The following ME2 variants were observed in gnomAD, a reference collection of about 807,000 sequenced individuals.
ME2 encodes NAD-dependent malic enzyme, mitochondrial.
Under a neutral mutation model 73.7 loss-of-function variants are expected in ME2, and 60 were observed. The ratio of observed to expected loss-of-function variants is 0.81; its 90% CI spans 0.66 to 1.01. The LOEUF (loss-of-function observed/expected upper bound fraction) is 1.01, where lower values mean the gene tolerates loss of function less well. Ranked by LOEUF, ME2 falls within the 50% of genes least tolerant of loss-of-function variation. ME2 has a pLI of 0.00. For synonymous variants in ME2, 199 were observed against 236.9 expected (o/e 0.84, Z 1.47); for missense variants, 594 against 705.5 (o/e 0.84, Z 1.79).
At chr18:50,935,611 G>A (rs956146939) in intron 13 of ME2, 3 of 151,354 alleles carry the variant, frequency 2.0e-5, no homozygotes, top group Non-Finnish European at 4.4e-5. Context: ...AATTAGCCAG[G>A]CATAGTGGCA....
intron 1 of ME2, among the ~76,000 whole-genome samples, chr18:50,883,565 A>G (rs1005724883): frequency 4.6e-5 from 7 of 152,176 alleles, no homozygotes; most frequent in Non-Finnish European, 8.8e-5. Context: ...ATATTCCAGT[A>G]TTCAAGAAAC....
At chr18:50,905,308 TC>T (rs1407594904) in intron 2 of ME2, among the ~76,000 whole-genome samples, 1 of 152,212 alleles carries the variant, frequency 6.6e-6, no homozygotes, top group East Asian at 1.9e-4. Context: ...TATTCTTTTT[TC>T]TTTCTATCTT....
intron 13 of ME2, chr18:50,933,106 CT>C (rs1383703036): frequency 1.3e-5 from 2 of 152,150 alleles, no homozygotes; most frequent in Admixed American, 1.3e-4. Flanking sequence ...TAAATAGCTA[CT>C]TTTAAAGCAA....
At chr18:50,925,332 A>G (rs1035172609) in intron 11 of ME2, among the ~76,000 whole-genome samples, 8 of 152,102 alleles carry the variant, frequency 5.3e-5, no homozygotes, top group Non-Finnish European at 1.0e-4. Flanking sequence ...TACAAAAATT[A>G]GCCGGGCGTG....
At chr18:50,942,358 ATAATG>A (rs1432309516) in intron 15 of ME2, among the ~76,000 whole-genome samples, 3 of 152,176 alleles carry the variant, frequency 2.0e-5, no homozygotes, top group African/African-American at 7.2e-5. Flanking sequence ...TATAATGTGT[ATAATG>A]TAACATTTAG....
intron 3 of ME2, among the ~76,000 whole-genome samples, chr18:50,909,738 TA>T (rs1917101478): frequency 6.6e-6 from 1 of 152,122 alleles, no homozygotes; most frequent in Non-Finnish European, 1.5e-5. Flanking sequence ...AAATAATAAG[TA>T]AAGTAAGACT....
intron 7 of ME2, among the ~76,000 whole-genome samples, chr18:50,919,401 T>C (rs1049363009): frequency 7.1e-4 from 108 of 152,316 alleles, no homozygotes; most frequent in Non-Finnish European, 1.1e-3. Context: ...AGAGTCAAAG[T>C]CAACAAGTCT....
chr18:50,923,095 T>C lies in ME2; in HGVS notation c.1057-1003T>C, dbSNP rs540663419. On this transcript the variant is annotated intron_variant, in intron 10 of 15. Transcript: ENST00000321341. ...GGCATTACTACAAATTTAACTTTTA[T>C]GGTTTTTGACCTGGGATTTGGAAAG... Among the ~76,000 whole-genome samples the C allele has an allele frequency of 7.2e-5, 11 of 152,288 alleles. No individual in the cohort carries two copies. In the East Asian group the frequency reaches 1.9e-3, roughly 27 times the overall value.
At chr18:50,892,900 C>T (rs1245318350) in intron 1 of ME2, among the ~76,000 whole-genome samples, 4 of 151,814 alleles carry the variant, frequency 2.6e-5, no homozygotes, top group Non-Finnish European at 4.4e-5. Context: ...CCGAGGTGGG[C>T]GGATCACAAG....
intron 5 of ME2, 47 bp from the exon 6 acceptor site, chr18:50,917,300 G>A (rs767437217): frequency 6.7e-7 from 1 of 1,495,542 alleles, no homozygotes; most frequent in Non-Finnish European, 9.2e-7. Flanking sequence ...CTTTTCTTTA[G>A]TGCCCCATTT....
Position 50,949,803 on chromosome 18 carries a change from A to C in ME2, c.*2619A>C, listed in dbSNP as rs377757743. 6.6e-6 allele frequency: 1 copy of C among 152,196 alleles called. No homozygotes were observed. The highest frequency in any genetic ancestry group is 2.4e-5 in the African/African-American group (1 of 41,436). 9.4% of individuals were successfully genotyped at this position (152,196 alleles called of 1,614,324 possible). On this transcript the variant is annotated 3_prime_UTR_variant, in exon 16 of 16. Coordinates refer to ENST00000321341, the MANE Select transcript of ME2 (RefSeq NM_002396.5). The stretch of plus-strand genomic sequence containing the variant: ...ATTCTATTTTTTTAAAAAGCTCCCA[A>C]TTGTCATTGTTATTTACCAGTCAAT...
At chr18:50,889,528 AT>A (rs1271028302) in intron 1 of ME2, among the ~76,000 whole-genome samples, 1 of 152,004 alleles carries the variant, frequency 6.6e-6, no homozygotes, top group African/African-American at 2.4e-5. Flanking sequence ...ATAAAGGGGG[AT>A]TTTTTGAAGA....
At chr18:50,921,004 T>C (rs969905431) in intron 9 of ME2, 70 bp from the exon 10 acceptor site, 6 of 786,148 alleles carry the variant, frequency 7.6e-6, no homozygotes, top group African/African-American at 7.3e-5. Context: ...CATATAATCT[T>C]CATATATAAA....
At chr18:50,931,229 T>C (rs968985480) in intron 12 of ME2, among the ~76,000 whole-genome samples, 16 of 152,218 alleles carry the variant, frequency 1.1e-4, no homozygotes, top group African/African-American at 3.9e-4. Context: ...TTTGGAGAAG[T>C]ATTCTTCTTT....
At chr18:50,901,723 C>T (rs112320760) in intron 2 of ME2, among the ~76,000 whole-genome samples, 35 of 152,168 alleles carry the variant, frequency 2.3e-4, no homozygotes, top group African/African-American at 8.2e-4. Flanking sequence ...ACATAGCCTC[C>T]GACCCTCAAT....
At chr18:50,907,997 T>C in intron 2 of ME2, 66 bp from the exon 3 acceptor site, 4 of 1,177,972 alleles carry the variant, frequency 3.4e-6, no homozygotes, top group East Asian at 2.5e-5. Context: ...AATTATATTT[T>C]GAAGAACAAT....
At chr18:50,924,735 C>T (rs547085880) in intron 11 of ME2, among the ~76,000 whole-genome samples, 2 of 150,844 alleles carry the variant, frequency 1.3e-5, no homozygotes, top group East Asian at 3.9e-4. Flanking sequence ...CTCACTCTGT[C>T]ACTCAAGCTG....
Position 50,912,893 on chromosome 18 carries a change from A to G in ME2, c.335A>G (p.Tyr112Cys). ...ATTGAGAGTTTAATGCCAATTGTAT[A>G]TACACCGACGGTTGGTCTTGCCTGC... ...DDIESLMPIV[Y>C]TPTVGLACSQ... The change falls in exon 4 of 16, where the codon TAT (tyrosine) becomes TGT (cysteine). Residue 112 changes from tyrosine (Y) to cysteine (C), a missense_variant. Coordinates refer to ENST00000321341, the MANE Select transcript of ME2 (RefSeq NM_002396.5). The G allele has an allele frequency of 6.2e-7, 1 of 1,612,486 alleles. No homozygotes were observed.
In ME2 at chr18:50,950,746, C is replaced by T. The variant is rs1484371215; in HGVS notation, c.*3562C>T. ...TCAAGTGATCCAACCACCTCAGCCT[C>T]CCAAAGTGCTGGAATTACAGGCATG... On this transcript the variant is annotated 3_prime_UTR_variant, in exon 16 of 16. Coordinates refer to ENST00000321341, the MANE Select transcript of ME2 (RefSeq NM_002396.5). 6.6e-6 allele frequency: 1 copy of T among 152,242 alleles called. No individual in the cohort carries two copies. The highest frequency in any genetic ancestry group is 1.5e-5 in the Non-Finnish European group (1 of 68,186). 9.4% of individuals were successfully genotyped at this position (152,242 alleles called of 1,614,324 possible).
Sources: gnomAD v4.1 joint callset for allele counts (sites outside exome capture counted in the v4.1 genomes callset) on GRCh38, gnomAD v4.1.1 for gene constraint, MANE v1.5 for transcripts, NCBI Gene and HGNC (gene_info 2026-07-23, HGNC 2026-07-21) for gene names.